The following PTPRN2 variants were observed in gnomAD, a reference collection of about 807,000 sequenced individuals.
The protein encoded by PTPRN2 is receptor-type tyrosine-protein phosphatase N2.
Under a neutral mutation model 118.8 loss-of-function variants are expected in PTPRN2, and 74 were observed. The observed-to-expected ratio is 0.62, with a 90% CI of 0.52 to 0.76. The LOEUF (loss-of-function observed/expected upper bound fraction) is 0.76. Ranked by LOEUF, PTPRN2 falls within the 30% of genes least tolerant of loss-of-function variation. The pLI is 0.00. For synonymous variants in PTPRN2, 641 were observed against 608.0 expected (o/e 1.05, Z -0.80); for missense variants, 1,481 against 1,394.4 (o/e 1.06, Z -0.99).
intron 1 of PTPRN2, among the ~76,000 whole-genome samples, chr7:158,496,221 C>G (rs1821834989): frequency 6.9e-6 from 1 of 144,546 alleles, no homozygotes; most frequent in Admixed American, 6.9e-5. Context: ...CCTCCCCCTT[C>G]CCTTCAGCCT....
chr7:157,641,491 C>T (rs894644007), intron 14 of PTPRN2, among the ~76,000 whole-genome samples: 2 of 152,124 alleles, frequency 1.3e-5, no homozygotes, highest in African/African-American at 4.8e-5. Flanking sequence ...CCACAGTGGG[C>T]GTCATTATTT....
chr7:157,914,305 T>C (rs1197338759), intron 11 of PTPRN2, among the ~76,000 whole-genome samples: 6 of 152,138 alleles, frequency 3.9e-5, no homozygotes, highest in Admixed American at 3.9e-4. Flanking sequence ...GTGTAGAGCC[T>C]TTTTCACTCC....
chr7:158,024,842 C>T lies in PTPRN2; in HGVS notation c.1723+56456G>A, dbSNP rs187665215. Among the ~76,000 whole-genome samples, 12 of 152,298 alleles carry T rather than the reference C, an allele frequency of 7.9e-5. No homozygotes were observed. The East Asian group carries it at 2.3e-3, about 29-fold the overall frequency. The stretch of plus-strand genomic sequence containing the variant: ...TCCTTTCCACTGCCTCTTTCTGCTA[C>T]TGCACTTAGAAAAATGTCATACACA... On this transcript the variant is annotated intron_variant, in intron 11 of 22. Coordinates refer to ENST00000389418, the MANE Select transcript of PTPRN2 (RefSeq NM_002847.5).
At chr7:157,682,662 G>A (rs1796968108) in intron 13 of PTPRN2, 63 bp downstream of exon 13, 14 of 1,475,706 alleles carry the variant, frequency 9.5e-6, no homozygotes, top group Middle Eastern at 1.8e-4. Flanking sequence ...AGAGAGGAAC[G>A]CCATCATCTG....
At chr7:158,554,715 C>A (rs1826862818) in intron 1 of PTPRN2, among the ~76,000 whole-genome samples, 2 of 152,274 alleles carry the variant, frequency 1.3e-5, no homozygotes, top group South Asian at 4.1e-4. Flanking sequence ...GTTCTTCGGC[C>A]CATGCCTGCT....
At chr7:158,078,450 C>T (rs951977360) in intron 11 of PTPRN2, among the ~76,000 whole-genome samples, 1 of 152,272 alleles carries the variant, frequency 6.6e-6, no homozygotes, top group South Asian at 2.1e-4. Flanking sequence ...GTCCGCCCAT[C>T]ACCACAGGGC....
chr7:158,365,039 C>T (rs1040956863), intron 2 of PTPRN2, among the ~76,000 whole-genome samples: 1 of 152,134 alleles, frequency 6.6e-6, no homozygotes, highest in Non-Finnish European at 1.5e-5. Context: ...CAGACACACA[C>T]GTTCTCACCC....
At chr7:158,182,731 G>A (rs1824818436) in intron 5 of PTPRN2, among the ~76,000 whole-genome samples, 1 of 152,174 alleles carries the variant, frequency 6.6e-6, no homozygotes. Context: ...TTTGGAGAAT[G>A]TTCCATGTGC....
chr7:157,984,312 C>A (rs71544518), intron 11 of PTPRN2, among the ~76,000 whole-genome samples: 72 of 76,708 alleles, frequency 9.4e-4, no homozygotes, highest in South Asian at 1.5e-3. Context: ...GGCTCCACCC[C>A]ATCCCACGCC....
At chr7:158,233,287 TAAA>T (rs1202461969) in intron 3 of PTPRN2, among the ~76,000 whole-genome samples, 1 of 151,950 alleles carries the variant, frequency 6.6e-6, no homozygotes, top group Non-Finnish European at 1.5e-5. Flanking sequence ...GCAAACAATC[TAAA>T]AAACAATAAA....
Position 157,576,666 on chromosome 7 carries a change from A to G in PTPRN2, c.2730T>C (p.Ser910=), listed in dbSNP as rs1483080197. ...AGGAAGGGACTCCTCGGTCATACCAACTCAGGAAGTGGAACTGCGTCACGG... is the reference window on the plus strand; with the variant it reads ...AGGAAGGGACTCCTCGGTCATACCAGCTCAGGAAGTGGAACTGCGTCACGG... ...TRTVTQFHFL[S]WYDRGVPSSS... is the part of the protein sequence containing the mutation. Residue 910 remains serine (S), a synonymous_variant, in exon 19 of 23, where the codon AGT becomes AGC. Coordinates refer to ENST00000389418, the MANE Select transcript of PTPRN2 (RefSeq NM_002847.5). 1 of 1,612,532 alleles carries G rather than the reference A, an allele frequency of 6.2e-7. No homozygotes were observed. The highest frequency in any genetic ancestry group is 8.5e-7 in the Non-Finnish European group (1 of 1,179,460).
chr7:158,069,453 C>A (rs1430893545), intron 11 of PTPRN2, among the ~76,000 whole-genome samples: 1 of 152,238 alleles, frequency 6.6e-6, no homozygotes, highest in Non-Finnish European at 1.5e-5. Flanking sequence ...CTGCCTTGGC[C>A]TCCCAAAGTG....
chr7:158,341,767 G>A (rs1475217805), intron 2 of PTPRN2, among the ~76,000 whole-genome samples: 1 of 136,152 alleles, frequency 7.3e-6, no homozygotes, highest in Non-Finnish European at 1.6e-5. Context: ...CACCATAAGA[G>A]CTGACACCTG....
At chr7:157,802,417 G>A (rs59207206) in intron 12 of PTPRN2, among the ~76,000 whole-genome samples, 3,319 of 152,262 alleles carry the variant, frequency 0.022, 124 homozygotes, top group African/African-American at 0.076. Flanking sequence ...CAGGTTGTCC[G>A]TCTTGTCTTA....
rs529420048 is a variant in PTPRN2 at position 157,785,597 on chromosome 7, G to A, written c.1789-102660C>T. ...AGTCTACACTGGACAGACATGGAGG[G>A]AAGCTTCTCCCAGGACCAGGGTCCC... On this transcript the variant is annotated intron_variant, in intron 12 of 22. Coordinates refer to ENST00000389418, the MANE Select transcript of PTPRN2 (RefSeq NM_002847.5). The surrounding 1 kb of genome is among the most constrained non-coding windows in gnomAD (Gnocchi z 7.3). Among the ~76,000 whole-genome samples, 56 of 152,158 alleles carry A rather than the reference G, an allele frequency of 3.7e-4. 1 individual carries two copies. The South Asian group carries it at 0.011, about 31-fold the overall frequency.
At chr7:158,270,714 C>A (rs936674603) in intron 3 of PTPRN2, among the ~76,000 whole-genome samples, 1 of 151,960 alleles carries the variant, frequency 6.6e-6, no homozygotes, top group African/African-American at 2.4e-5. Flanking sequence ...ACTGGGCTGC[C>A]CCTCTCCCTG....
chr7:158,323,094 T>C (rs1165887925), intron 2 of PTPRN2, among the ~76,000 whole-genome samples: 2 of 152,190 alleles, frequency 1.3e-5, no homozygotes, highest in African/African-American at 4.8e-5. Flanking sequence ...GGAGACGTTC[T>C]GTAGAATGAG....
intron 12 of PTPRN2, among the ~76,000 whole-genome samples, chr7:157,708,242 C>T (rs1031333592): frequency 6.6e-6 from 1 of 152,222 alleles, no homozygotes; most frequent in Admixed American, 6.5e-5. Flanking sequence ...TCAGGCACAT[C>T]CTCTCCTCTG....
At position 158,374,915 on chromosome 7, in the gene PTPRN2, A is replaced by G. The variant is rs113842668; in HGVS notation, c.164-57983T>C. Among the ~76,000 whole-genome samples, 1,097 of 152,356 alleles carry G rather than the reference A, an allele frequency of 7.2e-3. 11 individuals are homozygous for G. Among genetic ancestry groups the G allele is most frequent in the African/African-American group, 0.025 (1,044 of 41,578 alleles). The stretch of plus-strand genomic sequence containing the variant: ...ACAGAATTGAATACTTCAAGTCTAC[A>G]GATTTCTACTATATGTAACATTTAA... On this transcript the variant is annotated intron_variant, in intron 2 of 22. Transcript: ENST00000389418.
Sources: gnomAD v4.1 joint callset for allele counts (sites outside exome capture counted in the v4.1 genomes callset) on GRCh38, gnomAD v4.1.1 for gene constraint, Gnocchi (gnomAD v3.1) non-coding constraint, MANE v1.5 for transcripts, NCBI Gene and HGNC (gene_info 2026-07-23, HGNC 2026-07-21) for gene names.